MUCL1: variants seen among roughly 807,000 people sequenced by gnomAD.
MUCL1 encodes the protein mucin like 1, also known as mucin-like protein 1.
MUCL1 carries 11 observed loss-of-function variants against 9.2 expected under a neutral mutation model. The ratio of observed to expected loss-of-function variants is 1.19; its 90% CI spans 0.75 to 1.97. The LOEUF (loss-of-function observed/expected upper bound fraction) is 1.97, where lower values mean the gene tolerates loss of function less well. MUCL1 is among the 30% of genes most tolerant of loss of function. The pLI is 0.00. For missense variants in MUCL1, 144 were observed against 110.9 expected (o/e 1.30, Z -1.34); for synonymous variants, 48 against 40.5 (o/e 1.19, Z -0.71).
upstream of MUCL1, among the ~76,000 whole-genome samples, chr12:54,834,930 C>T (rs1334320301): frequency 6.6e-6 from 1 of 151,952 alleles, no homozygotes; most frequent in Non-Finnish European, 1.5e-5. Flanking sequence ...TTCCAATATC[C>T]ATTATGCCAC....
intron 1 of MUCL1, among the ~76,000 whole-genome samples, chr12:54,841,661 G>T (rs1444706601): frequency 6.6e-6 from 1 of 152,078 alleles, no homozygotes; most frequent in Non-Finnish European, 1.5e-5. Flanking sequence ...TGTCTATTCA[G>T]ATTCTTTGTC....
At chr12:54,854,472 G>C (rs1398398418), upstream of MUCL1, 3 of 782,152 alleles carry the variant, frequency 3.8e-6, no homozygotes, top group African/African-American at 3.5e-5. Flanking sequence ...CTCCTGATTG[G>C]TGCCCTCTGC....
At chr12:54,843,319 G>T (rs1171549844) in intron 1 of MUCL1, among the ~76,000 whole-genome samples, 1 of 152,160 alleles carries the variant, frequency 6.6e-6, no homozygotes, top group Non-Finnish European at 1.5e-5. Context: ...TTAAAATAAT[G>T]AATGGGTATT....
At chr12:54,846,267 C>A (rs999643390) in intron 1 of MUCL1, among the ~76,000 whole-genome samples, 5 of 152,254 alleles carry the variant, frequency 3.3e-5, no homozygotes, top group African/African-American at 1.2e-4. Flanking sequence ...GTCACAGACA[C>A]CCATCCCTAG....
At chr12:54,844,096 T>C (rs899501540) in intron 1 of MUCL1, among the ~76,000 whole-genome samples, 18 of 152,168 alleles carry the variant, frequency 1.2e-4, no homozygotes, top group Admixed American at 6.5e-5. Context: ...TTTTGAGGCT[T>C]TGGCATCAAG....
intron 1 of MUCL1, among the ~76,000 whole-genome samples, chr12:54,841,943 CTTAATAATTCTATACAAGTA>C (rs1959214364): frequency 6.6e-6 from 1 of 152,032 alleles, no homozygotes. Flanking sequence ...AGTTACAGGC[CTTAATAATTCTATACAAGTA>C]TTAGAGCAAT....
chr12:54,839,887 A>G (rs932487845), intron 1 of MUCL1, among the ~76,000 whole-genome samples: 2 of 152,080 alleles, frequency 1.3e-5, no homozygotes, highest in Non-Finnish European at 2.9e-5. Context: ...GTTGTGGCGG[A>G]GCTGCAGACT....
intron 1 of MUCL1, among the ~76,000 whole-genome samples, chr12:54,831,177 G>A (rs992401666): frequency 1.3e-5 from 2 of 152,080 alleles, no homozygotes; most frequent in Non-Finnish European, 2.9e-5. Flanking sequence ...GTATATGCAT[G>A]TATGTTATGT....
upstream of MUCL1, among the ~76,000 whole-genome samples, chr12:54,836,114 G>C (rs1422063562): frequency 6.6e-6 from 1 of 152,124 alleles, no homozygotes; most frequent in African/African-American, 2.4e-5. Context: ...AGTTAGGGAG[G>C]ATTGCCTCTT....
chr12:54,847,197 C>A (rs1959269483), intron 1 of MUCL1, among the ~76,000 whole-genome samples: 1 of 152,152 alleles, frequency 6.6e-6, no homozygotes, highest in Non-Finnish European at 1.5e-5. Flanking sequence ...TCTCATGTAT[C>A]AAGAAGTAAC....
intron 1 of MUCL1, among the ~76,000 whole-genome samples, chr12:54,840,575 A>G (rs145421957): frequency 1.3e-5 from 2 of 152,312 alleles, no homozygotes; most frequent in East Asian, 3.9e-4. Context: ...GGGGTCATAA[A>G]GTTTCCGCAA....
rs944653232 is a variant in MUCL1 at position 54,848,108 on chromosome 12, C to T, written c.44-7008C>T. Among the ~76,000 whole-genome samples, 3 of 148,816 alleles carry T rather than the reference C, an allele frequency of 2.0e-5. 1 individual carries two copies. The highest frequency in any genetic ancestry group is 1.4e-4 in the Admixed American group (2 of 14,748). On this transcript the variant is annotated intron_variant, in intron 1 of 3. Transcript: ENST00000546809. ...TAGTTAATTCTTGTTTGTTGAAACT[C>T]AGCTGTGTGCCCTTGATGATCCCAG...
chr12:54,835,810 C>T (rs187448774), upstream of MUCL1, among the ~76,000 whole-genome samples: 194 of 152,148 alleles, frequency 1.3e-3, 2 homozygotes, highest in Admixed American at 1.9e-3. Context: ...TGATTGAATG[C>T]TTTTTCTGTG....
upstream of MUCL1, among the ~76,000 whole-genome samples, chr12:54,838,919 G>T (rs930837183): frequency 3.3e-5 from 5 of 151,814 alleles, no homozygotes; most frequent in African/African-American, 9.7e-5. Context: ...TTCTTTATCT[G>T]GCATCTCAAA....
At chr12:54,839,431 G>A (rs928721826) in exon 1 of MUCL1, 3 of 701,952 alleles carry the variant, frequency 4.3e-6, no homozygotes, top group Non-Finnish European at 5.2e-6. Flanking sequence ...GGTATCAACT[G>A]GCAGTGACTA....
At chr12:54,853,617 T>C (rs1300106968), upstream of MUCL1, among the ~76,000 whole-genome samples, 2 of 152,208 alleles carry the variant, frequency 1.3e-5, no homozygotes, top group Admixed American at 6.5e-5. Context: ...TTATATAAAA[T>C]TGCTCCCCAT....
upstream of MUCL1, among the ~76,000 whole-genome samples, chr12:54,838,433 C>T (rs1028095115): frequency 5.9e-5 from 9 of 152,118 alleles, no homozygotes; most frequent in Non-Finnish European, 1.3e-4. Flanking sequence ...TCATGAATCC[C>T]ACAGGTGTTC....
chr12:54,837,568 A>G (rs190256599), upstream of MUCL1, among the ~76,000 whole-genome samples: 6 of 152,226 alleles, frequency 3.9e-5, no homozygotes, highest in African/African-American at 1.4e-4. Context: ...GATTGAGACC[A>G]TCCTGACTAA....
intron 1 of MUCL1, among the ~76,000 whole-genome samples, chr12:54,847,461 C>G (rs1188400417): frequency 6.6e-6 from 1 of 152,060 alleles, no homozygotes; most frequent in Non-Finnish European, 1.5e-5. Flanking sequence ...ACTAAAGATA[C>G]AAAATTAGCC....
Sources: gnomAD v4.1 joint callset for allele counts (sites outside exome capture counted in the v4.1 genomes callset) on GRCh38, gnomAD v4.1.1 for gene constraint, MANE v1.5 for transcripts, NCBI Gene and HGNC (gene_info 2026-07-23, HGNC 2026-07-21) for gene names.